LIG1: variants seen among roughly 807,000 people sequenced by gnomAD.
LIG1 encodes ligase I, DNA, ATP-dependent.
Under a neutral mutation model 115.7 loss-of-function variants are expected in LIG1, and 70 were observed. That is an observed-to-expected ratio of 0.60 (90% CI 0.50 to 0.74). The LOEUF is 0.74. Ranked by LOEUF, LIG1 falls within the 30% of genes least tolerant of loss-of-function variation. LIG1 has a pLI of 0.00. For missense variants in LIG1, 1,115 were observed against 1,225.6 expected, an observed-to-expected ratio of 0.91 and a Z score of 1.35; for synonymous variants, 487 against 495.3, an observed-to-expected ratio of 0.98 and a Z score of 0.22.
At chr19:48,127,652 G>A in intron 20 of LIG1, 2 of 612,820 alleles carry the variant, frequency 3.3e-6, no homozygotes, top group Non-Finnish European at 5.8e-6. Context: ...TGCAGGTTGT[G>A]GGGTTTTCCA....
intron 2 of LIG1, 62 bp downstream of exon 2, chr19:48,165,488 T>C: frequency 7.9e-7 from 1 of 1,271,898 alleles, no homozygotes; most frequent in Non-Finnish European, 1.2e-6. Flanking sequence ...TAAGTACAGA[T>C]TTAGAGAAAG....
chr19:48,158,921 A>G (rs2036009416), intron 4 of LIG1, among the ~76,000 whole-genome samples: 2 of 152,070 alleles, frequency 1.3e-5, no homozygotes, highest in Non-Finnish European at 2.9e-5. Flanking sequence ...CACAGTTGCT[A>G]CCTCCATGAT....
chr19:48,142,457 A>AAAAAAAAAAAAAC (rs71181650), intron 11 of LIG1, among the ~76,000 whole-genome samples: 1 of 147,936 alleles, frequency 6.8e-6, no homozygotes, highest in Non-Finnish European at 1.5e-5. Flanking sequence ...AAAAAAAAAA[A>AAAAAAAAAAAAAC]CAGAGTGCTG....
In LIG1 at chr19:48,127,430, C is replaced by T. The variant is rs1023027629; in HGVS notation, c.1933-82G>A. ...CCTGAGGCCGACAGCATTCATCTAC[C>T]GGTCTCCCTCTCGCCCCACCTAACT... On this transcript the variant is annotated intron_variant, in intron 20 of 27. Transcript: ENST00000263274. The T allele has an allele frequency of 9.3e-5, 115 of 1,239,242 alleles. 1 individual carries two copies. In the South Asian group the frequency reaches 9.7e-4, roughly 10 times the overall value. The allele number at this position is 1,239,242 out of a possible 1,614,324, so 76.8% of individuals were successfully genotyped here.
chr19:48,142,019 G>A lies in LIG1; in HGVS notation c.914+1524C>T, dbSNP rs888175753. Among the ~76,000 whole-genome samples, 5 of 152,184 alleles carry A rather than the reference G, an allele frequency of 3.3e-5. No individual in the cohort carries two copies. In the South Asian group the frequency reaches 1.0e-3, roughly 32 times the overall value. On this transcript the variant is annotated intron_variant, in intron 11 of 27. Coordinates refer to ENST00000263274, the MANE Select transcript of LIG1 (RefSeq NM_000234.3). ...AAGCATCCTTACAAAATACAGAAGA[G>A]GGCCGGGTGTGGTGGCTCAGGCCTG...
rs551401660 is a variant in LIG1, at chr19:48,141,384, G to A, written c.915-1241C>T. On this transcript the variant is annotated intron_variant, in intron 11 of 27. Transcript: ENST00000263274. ...TGACCTCAAATGATCCGCCCGCCTC[G>A]GCCTCCCAAAGTGCTGGGATTACAG... 3.6e-3 allele frequency among the ~76,000 whole-genome samples: 540 copies of A among 150,424 alleles called. 2 individuals carry two copies. Among genetic ancestry groups the A allele is most frequent in the African/African-American group, 0.013 (515 of 40,318 alleles).
chr19:48,165,471 GTTTT>G, intron 2 of LIG1, 75 bp downstream of exon 2: 1 of 1,172,084 alleles, frequency 8.5e-7, no homozygotes, highest in Admixed American at 1.7e-5. Context: ...TTGTTTGTTT[GTTTT>G]TTTAAGTACA....
Position 48,115,578 on chromosome 19 carries a change from A to G in LIG1, c.*71T>C. 8.4e-7 allele frequency: 1 copy of G among 1,188,182 alleles called. No homozygotes were observed. The highest frequency in any genetic ancestry group is 1.3e-6 in the Non-Finnish European group (1 of 798,958). The allele number at this position is 1,188,182 out of a possible 1,614,324, so 73.6% of individuals were successfully genotyped here. A position where few individuals can be genotyped will look rare whatever the true frequency, so the allele number is the denominator to read the frequency against. ...GCCTGCCACAGCAGATTTGCTAAAA[A>G]GCAAAGGCAATAATAACCCTGGGGT... On this transcript the variant is annotated 3_prime_UTR_variant, in exon 28 of 28. Coordinates refer to ENST00000263274, the MANE Select transcript of LIG1 (RefSeq NM_000234.3).
intron 1 of LIG1, among the ~76,000 whole-genome samples, chr19:48,166,879 G>A (rs1300485632): frequency 1.3e-5 from 2 of 150,896 alleles, no homozygotes; most frequent in East Asian, 1.9e-4. Flanking sequence ...GCTGAGGCAG[G>A]AGAATCACTT....
chr19:48,150,005 C>T, intron 8 of LIG1, 83 bp downstream of exon 8: 1 of 1,605,080 alleles, frequency 6.2e-7, no homozygotes, highest in Non-Finnish European at 8.5e-7. Context: ...AGGGTCTTCG[C>T]AGCATCTCAG....
rs370668617 is a variant in LIG1 at position 48,148,843 on chromosome 19, T to C, written c.776+920A>G. On this transcript the variant is annotated intron_variant, in intron 9 of 27. Coordinates refer to ENST00000263274, the MANE Select transcript of LIG1 (RefSeq NM_000234.3). ...TGAAGCAATTAATTGCTTAACAACC[T>C]ATTCAGTGTCCCACAGCCCCAGCAC... Among the ~76,000 whole-genome samples the C allele has an allele frequency of 2.6e-5, 4 of 152,346 alleles. No individual in the cohort carries two copies. In the East Asian group the frequency reaches 7.7e-4, roughly 29 times the overall value.
intron 11 of LIG1, among the ~76,000 whole-genome samples, chr19:48,142,866 C>A (rs1376451301): frequency 2.0e-5 from 3 of 152,184 alleles, no homozygotes; most frequent in African/African-American, 7.2e-5. Flanking sequence ...TGGTCTTGAA[C>A]TCCTGACCTC....
In LIG1 at chr19:48,137,142, C is replaced by A. The variant is rs937725485; in HGVS notation, c.1255-58G>T. On this transcript the variant is annotated intron_variant, in intron 13 of 27. Coordinates refer to ENST00000263274, the MANE Select transcript of LIG1 (RefSeq NM_000234.3). This position sits in a 1 kb window ranked among gnomAD's most constrained non-coding sequence, Gnocchi z 4.3. ...GGTGAAGGCAGGGACCACACCTCCA[C>A]CCCACCAGCCGTGCTGCTGCCCTGC... 2.2e-6 allele frequency: 3 copies of A among 1,371,386 alleles called. No individual in the cohort carries two copies. The Admixed American group carries it at 5.6e-5, about 26-fold the overall frequency. The allele number at this position is 1,371,386 out of a possible 1,614,324, so 85.0% of individuals were successfully genotyped here. A position where few individuals can be genotyped will look rare whatever the true frequency, so the allele number is the denominator to read the frequency against.
rs2034487844 is a variant in LIG1 at position 48,137,716 on chromosome 19, T to C, written c.1088-28A>G. 1 of 1,599,422 alleles carries C rather than the reference T, an allele frequency of 6.3e-7. No individual in the cohort carries two copies. Among genetic ancestry groups the C allele is most frequent in the Non-Finnish European group, 8.5e-7 (1 of 1,179,430 alleles). On this transcript the variant is annotated intron_variant, in intron 12 of 27. Coordinates refer to ENST00000263274, the MANE Select transcript of LIG1 (RefSeq NM_000234.3). The surrounding 1 kb of genome is among the most constrained non-coding windows in gnomAD (Gnocchi z 4.3). Reference sequence around the variant, plus strand: ...TCAGGGGAGAGCGCGGGTGGGGGTGTCGAGGGTGACAGTTGTGGCTGCGTG... The same window carrying C: ...TCAGGGGAGAGCGCGGGTGGGGGTGCCGAGGGTGACAGTTGTGGCTGCGTG...
intron 9 of LIG1, chr19:48,146,255 G>A (rs1446973913): frequency 1.3e-5 from 2 of 152,534 alleles, no homozygotes; most frequent in Admixed American, 6.5e-5. Flanking sequence ...TGTAATCCCA[G>A]CACTTTGGGA....
intron 19 of LIG1, among the ~76,000 whole-genome samples, chr19:48,129,214 A>G (rs2033863977): frequency 6.8e-6 from 1 of 146,044 alleles, no homozygotes; most frequent in African/African-American, 2.6e-5. Flanking sequence ...CACCACATCC[A>G]GCTAATTTCT....
intron 21 of LIG1, 36 bp from the exon 22 acceptor site, chr19:48,123,354 C>G: frequency 6.2e-7 from 1 of 1,607,422 alleles, no homozygotes; most frequent in Non-Finnish European, 8.5e-7. Flanking sequence ...GATGAGACAT[C>G]TTTGTGAGAA....
intron 6 of LIG1, among the ~76,000 whole-genome samples, chr19:48,152,355 T>G (rs936632349): frequency 6.6e-6 from 1 of 152,182 alleles, no homozygotes; most frequent in Non-Finnish European, 1.5e-5. Flanking sequence ...ACTCCCGACC[T>G]CAAGTGATCC....
Position 48,115,586 on chromosome 19 carries a change from CAAT to C in LIG1, c.*60_*62del, listed in dbSNP as rs1188285334. 4.0e-6 allele frequency: 5 copies of C among 1,242,596 alleles called. No homozygotes were observed. The African/African-American group carries it at 5.9e-5, about 15-fold the overall frequency. The allele number at this position is 1,242,596 out of a possible 1,614,324, so 77.0% of individuals were successfully genotyped here. On this transcript the variant is annotated 3_prime_UTR_variant, in exon 28 of 28. Transcript: ENST00000263274. ...CAGCAGATTTGCTAAAAAGCAAAGG[CAAT>C]AATAACCCTGGGGTCCGTCCAACTC...
Sources: gnomAD v4.1 joint callset for allele counts (sites outside exome capture counted in the v4.1 genomes callset) on GRCh38, gnomAD v4.1.1 for gene constraint, Gnocchi (gnomAD v3.1) non-coding constraint, MANE v1.5 for transcripts, NCBI Gene and HGNC (gene_info 2026-07-23, HGNC 2026-07-21) for gene names.